TSPAN9: variants seen among roughly 807,000 people sequenced by gnomAD.
TSPAN9 encodes tetraspanin-9.
A neutral mutation model predicts 31.0 loss-of-function variants in TSPAN9; 16 were observed. The ratio of observed to expected loss-of-function variants is 0.52; its 90% CI spans 0.35 to 0.78. The LOEUF (loss-of-function observed/expected upper bound fraction) is 0.78, where lower values mean the gene tolerates loss of function less well. TSPAN9 is among the 30% of genes least tolerant of loss of function. The pLI is 0.01. For synonymous variants in TSPAN9, 145 were observed against 121.6 expected (o/e 1.19, Z -1.27); for missense variants, 272 against 312.5 (o/e 0.87, Z 0.98).
intron 3 of TSPAN9, among the ~76,000 whole-genome samples, chr12:3,241,855 A>G (rs577074388): frequency 6.6e-6 from 1 of 152,238 alleles, no homozygotes; most frequent in South Asian, 2.1e-4. Context: ...GTCCTGGCCG[A>G]AGATCAGTGG....
At chr12:3,154,297 G>A (rs2098341218) in intron 2 of TSPAN9, among the ~76,000 whole-genome samples, 1 of 152,160 alleles carries the variant, frequency 6.6e-6, no homozygotes, top group African/African-American at 2.4e-5. Context: ...TTTAAAGGCT[G>A]TTCACTCTGC....
rs1271106004 is a variant in TSPAN9, at chr12:3,283,076, TC to T, written c.682del (p.Gln228SerfsTer32). ...GGCATGGCCTTCTCCATGACCCTCT[TC>T]CAGCACATCCACCGGACTGGTAAGA... The part of the protein sequence containing the change: ...ILGMAFSMTL[F>X]QHIHRTGKKY... On this transcript the variant is annotated frameshift_variant, in exon 9 of 9. Transcript: ENST00000011898. LOFTEE classifies it high-confidence loss of function. 1.2e-6 allele frequency: 2 copies of T among 1,609,396 alleles called. No homozygotes were observed. Among genetic ancestry groups the T allele is most frequent in the African/African-American group, 1.3e-5 (1 of 74,894 alleles).
chr12:3,218,082 T>G (rs369742097), intron 3 of TSPAN9, among the ~76,000 whole-genome samples: 91 of 152,300 alleles, frequency 6.0e-4, no homozygotes, highest in African/African-American at 2.1e-3. Flanking sequence ...GCCATGCTCC[T>G]TGGCAGGACA....
At chr12:3,254,376 C>T (rs888533903) in intron 3 of TSPAN9, among the ~76,000 whole-genome samples, 1 of 152,200 alleles carries the variant, frequency 6.6e-6, no homozygotes, top group Non-Finnish European at 1.5e-5. Context: ...AGGTGAGAAG[C>T]GAGGGAGAAC....
chr12:3,165,739 T>C (rs924120375), intron 2 of TSPAN9, among the ~76,000 whole-genome samples: 1 of 152,134 alleles, frequency 6.6e-6, no homozygotes, highest in Non-Finnish European at 1.5e-5. Context: ...GAGGCGCCCG[T>C]GAGATTAGCC....
intron 3 of TSPAN9, among the ~76,000 whole-genome samples, chr12:3,232,508 T>C (rs373471857): frequency 3.4e-4 from 51 of 152,230 alleles, no homozygotes; most frequent in African/African-American, 1.1e-3. Context: ...AATTGGTCCA[T>C]GGAACTTTGA....
At chr12:3,167,422 C>T (rs1849276870) in intron 2 of TSPAN9, among the ~76,000 whole-genome samples, 1 of 152,214 alleles carries the variant, frequency 6.6e-6, no homozygotes, top group Admixed American at 6.5e-5. Context: ...AACTTGAGTG[C>T]AGTATTGATC....
chr12:3,226,694 GTGTGTGTGTGTGTA>G (rs2098387384), intron 3 of TSPAN9, among the ~76,000 whole-genome samples: 8 of 25,330 alleles, frequency 3.2e-4, no homozygotes, highest in African/African-American at 1.2e-3. Context: ...GTGTGTGTGT[GTGTGTGTGTGTGTA>G]TGTGTATGTA....
At chr12:3,109,180 C>T (rs7485657) in intron 2 of TSPAN9, among the ~76,000 whole-genome samples, 116,521 of 151,022 alleles carry the variant, frequency 0.77, 45,249 homozygotes, top group African/African-American at 0.83. Flanking sequence ...TCGTGATCCG[C>T]CCGCCTTGGC....
At chr12:3,101,596 C>T (rs1477497946) in intron 2 of TSPAN9, among the ~76,000 whole-genome samples, 2 of 152,148 alleles carry the variant, frequency 1.3e-5, no homozygotes, top group African/African-American at 4.8e-5. Flanking sequence ...ACAAGCACCC[C>T]TTGTTTCCTG....
chr12:3,118,891 A>G (rs1398249508), intron 2 of TSPAN9, among the ~76,000 whole-genome samples: 2 of 152,204 alleles, frequency 1.3e-5, no homozygotes, highest in Non-Finnish European at 2.9e-5. Flanking sequence ...TAAGCCTGGC[A>G]CGCAGGTTGC....
At chr12:3,102,968 A>G (rs576053451) in intron 2 of TSPAN9, among the ~76,000 whole-genome samples, 2 of 152,180 alleles carry the variant, frequency 1.3e-5, no homozygotes, top group Admixed American at 1.3e-4. Flanking sequence ...AGGTGAAGCC[A>G]TGTGCTCCAG....
chr12:3,281,688 C>T (rs765603534), intron 7 of TSPAN9, 46 bp from the exon 8 acceptor site: 26 of 1,583,602 alleles, frequency 1.6e-5, no homozygotes, highest in East Asian at 2.3e-5. Context: ...CTGCAGGGAG[C>T]GCATGCTTGG....
chr12:3,173,975 A>C (rs148561936), intron 2 of TSPAN9: 32 of 152,432 alleles, frequency 2.1e-4, no homozygotes, highest in African/African-American at 7.5e-4. Context: ...CGTGGTGTTA[A>C]GGATGTGGAC....
At chr12:3,115,830 G>A (rs10774121) in intron 2 of TSPAN9, among the ~76,000 whole-genome samples, 48,390 of 151,912 alleles carry the variant, frequency 0.32, 7,878 homozygotes, top group Middle Eastern at 0.45. Flanking sequence ...TGGGTCATAC[G>A]ATAACTGTGT....
chr12:3,174,630 T>C (rs2098353984), intron 2 of TSPAN9, among the ~76,000 whole-genome samples: 2 of 152,236 alleles, frequency 1.3e-5, no homozygotes, highest in East Asian at 1.9e-4. Flanking sequence ...TCGCCCAGGC[T>C]GGAGGGCAGT....
intron 2 of TSPAN9, among the ~76,000 whole-genome samples, chr12:3,152,418 C>T (rs1045783564): frequency 6.6e-6 from 1 of 152,240 alleles, no homozygotes; most frequent in Non-Finnish European, 1.5e-5. Context: ...TTCTGACACA[C>T]CTGCCCCCAC....
intron 2 of TSPAN9, among the ~76,000 whole-genome samples, chr12:3,100,182 G>C (rs947031167): frequency 6.6e-6 from 1 of 152,168 alleles, no homozygotes; most frequent in Non-Finnish European, 1.5e-5. Context: ...TGTGAACTCT[G>C]TCTGGCCCTG....
chr12:3,266,834 C>T (rs1295590882), intron 3 of TSPAN9, among the ~76,000 whole-genome samples: 1 of 152,206 alleles, frequency 6.6e-6, no homozygotes, highest in Admixed American at 6.5e-5. Flanking sequence ...ACAGGATCCC[C>T]AGGGAGAAGA....
Sources: allele counts gnomAD v4.1 joint callset (sites outside exome capture counted in the v4.1 genomes callset), GRCh38; gene constraint gnomAD v4.1.1; transcripts MANE v1.5; gene names NCBI Gene and HGNC (gene_info 2026-07-23, HGNC 2026-07-21).